Variants in PDE1A observed in about 807,000 individuals in gnomAD.
PDE1A encodes phosphodiesterase 1A, also known as dual specificity calcium/calmodulin-dependent 3',5'-cyclic nucleotide phosphodiesterase 1A.
Under a neutral mutation model 61.7 loss-of-function variants are expected in PDE1A, and 35 were observed. The ratio of observed to expected loss-of-function variants is 0.57; its 90% confidence interval spans 0.43 to 0.75. PDE1A has a LOEUF of 0.75. Among genes scored for constraint, PDE1A ranks in the 30% least tolerant of loss-of-function variants. The pLI is 0.00. For missense variants in PDE1A, 597 were observed against 630.6 expected, an observed-to-expected ratio of 0.95 and a Z score of 0.57; for synonymous variants, 232 against 213.2, an observed-to-expected ratio of 1.09 and a Z score of -0.77.
intron 2 of PDE1A, among the ~76,000 whole-genome samples, chr2:182,504,331 G>C (rs898275043): frequency 7.2e-5 from 11 of 152,104 alleles, no homozygotes; most frequent in Middle Eastern, 3.2e-3. Flanking sequence ...AGGTAATACT[G>C]GTAGATACAA....
At chr2:182,654,014 G>A in the PDE1A span, among the ~76,000 whole-genome samples, 1 of 152,062 alleles carries the variant, frequency 6.6e-6, no homozygotes, top group African/African-American at 2.4e-5. Context: ...AATAATCAGA[G>A]TCCCCACAGA....
At chr2:182,200,999 T>C (rs1574665599) in intron 10 of PDE1A, among the ~76,000 whole-genome samples, 1 of 152,188 alleles carries the variant, frequency 6.6e-6, no homozygotes, top group African/African-American at 2.4e-5. Context: ...TTGTTGTTGT[T>C]GTTGCCTATT....
intron 1 of PDE1A, among the ~76,000 whole-genome samples, chr2:182,364,496 A>C (rs1171284116): frequency 6.9e-6 from 1 of 145,896 alleles, no homozygotes; most frequent in South Asian, 2.2e-4. Flanking sequence ...AAAAAAAAAA[A>C]AAACCTTATT....
At chr2:182,167,663 T>C (rs923791027), downstream of PDE1A, among the ~76,000 whole-genome samples, 4 of 152,074 alleles carry the variant, frequency 2.6e-5, no homozygotes, top group Non-Finnish European at 5.9e-5. Flanking sequence ...TCTTCCCAAT[T>C]TGCAAACTGA....
At chr2:182,418,290 T>G (rs1174791768) in intron 1 of PDE1A, among the ~76,000 whole-genome samples, 1 of 152,164 alleles carries the variant, frequency 6.6e-6, no homozygotes, top group Non-Finnish European at 1.5e-5. Flanking sequence ...GAAAAAGAAC[T>G]GGGAAAATGT....
chr2:182,556,062 T>C, the PDE1A span, among the ~76,000 whole-genome samples: 214 of 150,112 alleles, frequency 1.4e-3, 1 homozygote, highest in Non-Finnish European at 2.8e-3. Flanking sequence ...ACTGTGTGCA[T>C]TGGTGAATTG....
chr2:182,224,134 C>T (rs1688951840), intron 6 of PDE1A, among the ~76,000 whole-genome samples, 170 bp from the exon 7 acceptor site: 1 of 151,882 alleles, frequency 6.6e-6, no homozygotes. Context: ...ATGGATGCTT[C>T]ATGAAGTCAA....
the PDE1A span, among the ~76,000 whole-genome samples, chr2:182,546,648 C>T: frequency 6.6e-6 from 1 of 152,208 alleles, no homozygotes; most frequent in Non-Finnish European, 1.5e-5. Context: ...GAGATTCCAG[C>T]CAACTTGCTG....
chr2:182,149,000 C>G (rs192829011), intron 13 of PDE1A, among the ~76,000 whole-genome samples: 3 of 151,684 alleles, frequency 2.0e-5, no homozygotes, highest in African/African-American at 4.8e-5. Flanking sequence ...GAGTTTTGAA[C>G]CTTCTTTGAA....
the PDE1A span, among the ~76,000 whole-genome samples, chr2:182,626,684 G>A: frequency 4.0e-5 from 3 of 74,888 alleles, no homozygotes; most frequent in Admixed American, 2.2e-4. Flanking sequence ...AATTGCCTTC[G>A]AGAAAAAAAA....
chr2:182,574,945 C>T, the PDE1A span, among the ~76,000 whole-genome samples: 1 of 152,172 alleles, frequency 6.6e-6, no homozygotes, highest in Non-Finnish European at 1.5e-5. Context: ...CCACCTCAGC[C>T]TCCCAAGGTG....
At chr2:182,577,990 A>AGGAAGGG in the PDE1A span, among the ~76,000 whole-genome samples, 2 of 137,500 alleles carry the variant, frequency 1.5e-5, no homozygotes, top group African/African-American at 5.7e-5. Context: ...GGAAGGAAGG[A>AGGAAGGG]AGGGACGGAG....
chr2:182,463,570 C>T (rs1050626569), intron 2 of PDE1A: 16 of 152,190 alleles, frequency 1.1e-4, no homozygotes, highest in African/African-American at 2.9e-4. Flanking sequence ...GAATGGTTAC[C>T]GTAAGAAAAG....
the PDE1A span, among the ~76,000 whole-genome samples, chr2:182,535,349 T>TAGA: frequency 0.71 from 107,036 of 151,660 alleles, 41,049 homozygotes; most frequent in East Asian, 0.99. Flanking sequence ...GATTTAAAAC[T>TAGA]CATGTCTAAT....
chr2:182,545,374 C>T, the PDE1A span, among the ~76,000 whole-genome samples: 1 of 152,226 alleles, frequency 6.6e-6, no homozygotes, highest in Non-Finnish European at 1.5e-5. Flanking sequence ...CAGCTCCCTG[C>T]ACTTGCTGTC....
the PDE1A span, among the ~76,000 whole-genome samples, chr2:182,576,178 T>G: frequency 3.9e-5 from 6 of 152,046 alleles, no homozygotes; most frequent in Admixed American, 1.3e-4. Flanking sequence ...CTTTTCATCT[T>G]GCAAAACTGA....
chr2:182,351,556 G>A (rs1483479424), intron 1 of PDE1A, among the ~76,000 whole-genome samples: 10 of 152,268 alleles, frequency 6.6e-5, no homozygotes, highest in Non-Finnish European at 1.3e-4. Flanking sequence ...AAAATATTCC[G>A]ACAGGGTGAT....
intron 2 of PDE1A, among the ~76,000 whole-genome samples, chr2:182,504,835 T>C (rs968454872): frequency 2.6e-5 from 4 of 152,250 alleles, no homozygotes; most frequent in Admixed American, 6.5e-5. Context: ...TCACACACCT[T>C]GGACTTGAAT....
At chr2:182,380,364 G>A (rs1029010450) in intron 1 of PDE1A, among the ~76,000 whole-genome samples, 3 of 151,302 alleles carry the variant, frequency 2.0e-5, no homozygotes, top group East Asian at 3.9e-4. Context: ...CACCCGTCTC[G>A]GCCTCCCAAA....
Sources: gnomAD v4.1 joint callset for allele counts (sites outside exome capture counted in the v4.1 genomes callset) on GRCh38, gnomAD v4.1.1 for gene constraint, MANE v1.5 for transcripts, NCBI Gene and HGNC (gene_info 2026-07-23, HGNC 2026-07-21) for gene names.